MBNL1: variants seen among roughly 807,000 people sequenced by gnomAD.
The protein encoded by MBNL1 is muscleblind-like protein 1.
In MBNL1, 8 loss-of-function variants were observed where a neutral mutation model predicts 42.2. That is an observed-to-expected ratio of 0.19 (90% CI 0.11 to 0.34). MBNL1 has a LOEUF of 0.34. Among genes scored for constraint, MBNL1 ranks in the 10% least tolerant of loss-of-function variants. MBNL1 has a pLI of 1.00. For missense variants in MBNL1, 309 were observed against 495.3 expected, an observed-to-expected ratio of 0.62 and a Z score of 3.57; for synonymous variants, 169 against 173.9, an observed-to-expected ratio of 0.97 and a Z score of 0.22.
chr3:152,247,679 T>C (rs1360419497), intron 2 of MBNL1, among the ~76,000 whole-genome samples: 3 of 152,060 alleles, frequency 2.0e-5, no homozygotes, highest in African/African-American at 7.2e-5. Flanking sequence ...TCATTTTTTA[T>C]TAACTAAAAT....
chr3:152,248,780 A>G lies in MBNL1; in HGVS notation n.333+4340A>G, dbSNP rs1400272683. On this transcript the variant is annotated intron_variant and non_coding_transcript_variant, in intron 2 of 2. Transcript: ENST00000477171. ...TATCCCTCCCCCCTTCCCCCACCCC[A>G]CAACAGTCCCCAGAGTGTGATGTTC... is the stretch of plus-strand genomic sequence containing the variant. Among the ~76,000 whole-genome samples the G allele has an allele frequency of 6.7e-5, 8 of 119,088 alleles. 1 individual carries two copies. The Middle Eastern group carries it at 0.026, about 380-fold the overall frequency. 78.1% of individuals were successfully genotyped at this position (119,088 alleles called of 152,430 possible).
chr3:152,321,345 C>T (rs1440273606), intron 2 of MBNL1, among the ~76,000 whole-genome samples: 1 of 152,076 alleles, frequency 6.6e-6, no homozygotes, highest in African/African-American at 2.4e-5. Flanking sequence ...TTGAGACTTA[C>T]TGGCCTTCTT....
intron 6 of MBNL1, chr3:152,449,199 T>A (rs532851302): frequency 6.6e-6 from 1 of 152,330 alleles, no homozygotes; most frequent in Non-Finnish European, 1.5e-5. Context: ...CATAATCTCT[T>A]TGAAGAAATT....
intron 3 of MBNL1, among the ~76,000 whole-genome samples, chr3:152,431,185 C>G (rs1458345399): frequency 6.6e-6 from 1 of 152,106 alleles, no homozygotes; most frequent in African/African-American, 2.4e-5. Context: ...GAGGGGCTGT[C>G]TTGTATGTTG....
At chr3:152,359,941 G>T (rs1239887336) in intron 2 of MBNL1, among the ~76,000 whole-genome samples, 1 of 152,218 alleles carries the variant, frequency 6.6e-6, no homozygotes, top group Non-Finnish European at 1.5e-5. Context: ...CTATTTACAA[G>T]TGAGATTTAA....
chr3:152,444,277 G>C (rs565840253), intron 4 of MBNL1, among the ~76,000 whole-genome samples: 2 of 152,248 alleles, frequency 1.3e-5, no homozygotes, highest in Non-Finnish European at 2.9e-5. Flanking sequence ...CTTTTAAATA[G>C]TAAGAGTCAA....
intron 2 of MBNL1, among the ~76,000 whole-genome samples, chr3:152,343,492 T>C (rs2093702723): frequency 6.6e-6 from 1 of 152,082 alleles, no homozygotes; most frequent in African/African-American, 2.4e-5. Flanking sequence ...GAACAGTGTC[T>C]GGGAAATAGT....
In MBNL1 at chr3:152,364,280, C is replaced by G. The variant is rs138024687; in HGVS notation, c.175-50661C>G. Among the ~76,000 whole-genome samples the G allele has an allele frequency of 3.9e-3, 594 of 152,136 alleles. 3 individuals carry two copies. The highest frequency in any genetic ancestry group is 6.6e-3 in the Non-Finnish European group (448 of 67,958). ...AATTCCTTAAGACAAGACATCTGTA[C>G]ACAATGTAGCTATAGTGTGATTTAC... On this transcript the variant is annotated intron_variant, in intron 2 of 9. Coordinates refer to ENST00000324210, the MANE Select transcript of MBNL1 (RefSeq NM_021038.5).
At chr3:152,404,016 C>G (rs1473768090) in intron 2 of MBNL1, among the ~76,000 whole-genome samples, 1 of 152,086 alleles carries the variant, frequency 6.6e-6, no homozygotes, top group Non-Finnish European at 1.5e-5. Context: ...ATTGCCTCAC[C>G]TTTTCTTCGT....
Position 152,401,939 on chromosome 3 carries a change from G to A in MBNL1, c.175-13002G>A, listed in dbSNP as rs1452276700. Among the ~76,000 whole-genome samples the A allele has an allele frequency of 2.0e-5, 3 of 151,684 alleles. No individual in the cohort carries two copies. In the South Asian group the frequency reaches 6.2e-4, roughly 32 times the overall value. ...CCCACCTACTCGGGAGGCTGAGGCAGGAGAATGGCGTGAACCTGGGAGGCA... is the reference window on the plus strand; with the variant it reads ...CCCACCTACTCGGGAGGCTGAGGCAAGAGAATGGCGTGAACCTGGGAGGCA... On this transcript the variant is annotated intron_variant, in intron 2 of 9. Coordinates refer to ENST00000324210, the MANE Select transcript of MBNL1 (RefSeq NM_021038.5).
chr3:152,442,394 A>G (rs1041959650), intron 4 of MBNL1, among the ~76,000 whole-genome samples: 5 of 152,242 alleles, frequency 3.3e-5, no homozygotes, highest in African/African-American at 9.6e-5. Context: ...TAGCTATACT[A>G]TAATTACAAT....
At chr3:152,435,805 A>G (rs958590071) in intron 4 of MBNL1, among the ~76,000 whole-genome samples, 3 of 152,184 alleles carry the variant, frequency 2.0e-5, no homozygotes, top group Admixed American at 2.0e-4. Context: ...TTTTGTGGCA[A>G]TTGTGAATGG....
intron 3 of MBNL1, among the ~76,000 whole-genome samples, chr3:152,431,308 A>G (rs2099004077): frequency 6.6e-6 from 1 of 152,230 alleles, no homozygotes; most frequent in Non-Finnish European, 1.5e-5. Flanking sequence ...GAGAGGCAAA[A>G]TAACTCAGTT....
chr3:152,443,639 CAG>C lies in MBNL1; in HGVS notation c.550-1638_550-1637del, dbSNP rs1293416008. On this transcript the variant is annotated intron_variant, in intron 4 of 9. Coordinates refer to ENST00000324210, the MANE Select transcript of MBNL1 (RefSeq NM_021038.5). Reference sequence around the variant, plus strand: ...TCCATAGCTGATGCTAATGTTCAGCCAGAGAGGAGGATAATTATTCTCGGTAA... The same window carrying C: ...TCCATAGCTGATGCTAATGTTCAGCCAGAGGAGGATAATTATTCTCGGTAA... Among the ~76,000 whole-genome samples, 3 of 151,878 alleles carry C rather than the reference CAG, an allele frequency of 2.0e-5. No homozygotes were observed. In the East Asian group the frequency reaches 5.8e-4, roughly 29 times the overall value.
At chr3:152,297,344 GTTTT>G (rs1201662855) in intron 1 of MBNL1, among the ~76,000 whole-genome samples, 3 of 124,362 alleles carry the variant, frequency 2.4e-5, no homozygotes, top group Non-Finnish European at 3.4e-5. Flanking sequence ...TGGGGATGAG[GTTTT>G]TTTTTTTTTT....
chr3:152,383,159 CA>C, intron 2 of MBNL1, among the ~76,000 whole-genome samples: 2 of 152,182 alleles, frequency 1.3e-5, no homozygotes, highest in African/African-American at 4.8e-5. Flanking sequence ...TGGTTTTGTG[CA>C]AACTGCCTTG....
intron 2 of MBNL1, among the ~76,000 whole-genome samples, chr3:152,251,103 A>G (rs546138705): frequency 3.3e-5 from 5 of 152,236 alleles, no homozygotes; most frequent in African/African-American, 7.2e-5. Context: ...GTTACATCCA[A>G]TTATCTACTT....
intron 2 of MBNL1, among the ~76,000 whole-genome samples, chr3:152,400,376 T>C (rs758448075): frequency 1.1e-4 from 16 of 152,222 alleles, no homozygotes; most frequent in African/African-American, 1.2e-4. Context: ...ATAAAAGCAA[T>C]ATTGTCAGGT....
chr3:152,273,505 AAT>A (rs2043115969), intron 1 of MBNL1, among the ~76,000 whole-genome samples: 1 of 152,208 alleles, frequency 6.6e-6, no homozygotes, highest in Admixed American at 6.5e-5. Flanking sequence ...AATCTGTAAA[AAT>A]ATGTGTAACA....
Sources: allele counts gnomAD v4.1 joint callset (sites outside exome capture counted in the v4.1 genomes callset), GRCh38; gene constraint gnomAD v4.1.1; transcripts MANE v1.5; gene names NCBI Gene and HGNC (gene_info 2026-07-23, HGNC 2026-07-21).